The following ADGRA2 variants were observed in gnomAD, a reference collection of about 807,000 sequenced individuals.
The protein encoded by ADGRA2 is G-protein coupled receptor 124.
In ADGRA2, 61 loss-of-function variants were observed where a neutral mutation model predicts 98.7. The observed-to-expected ratio is 0.62, with a 90% CI of 0.50 to 0.76. The LOEUF is 0.76. Ranked by LOEUF, ADGRA2 falls within the 30% of genes least tolerant of loss-of-function variation. The pLI, the probability that ADGRA2 is intolerant of heterozygous loss-of-function variation, is 0.00. For missense variants in ADGRA2, 1,712 were observed against 1,860.0 expected (o/e 0.92, Z 1.46); for synonymous variants, 858 against 831.5 (o/e 1.03, Z -0.55).
At position 37,802,609 on chromosome 8, in the gene ADGRA2, A is replaced by T. The variant is rs1804541922; in HGVS notation, c.266+5075A>T. 6.6e-6 allele frequency among the ~76,000 whole-genome samples: 1 copy of T among 152,162 alleles called. No individual in the cohort carries two copies. ...GGGCTCCGGGACCTCGCCTGTTCAA[A>T]GGCAGGGGCCCAGCAGAAACCTCAG... On this transcript the variant is annotated intron_variant, in intron 1 of 18. Transcript: ENST00000412232. This position sits in a 1 kb window ranked among gnomAD's most constrained non-coding sequence, Gnocchi z 4.7.
At chr8:37,829,640 C>A in intron 5 of ADGRA2, 81 bp downstream of exon 5, 2 of 1,110,788 alleles carry the variant, frequency 1.8e-6, no homozygotes, top group South Asian at 1.2e-5. Flanking sequence ...ATCATGACCA[C>A]CAGGACTGGT....
At chr8:37,822,213 C>T (rs938713278) in intron 2 of ADGRA2, among the ~76,000 whole-genome samples, 4 of 152,140 alleles carry the variant, frequency 2.6e-5, no homozygotes, top group African/African-American at 9.7e-5. Context: ...TGTCCTGGCC[C>T]ACTTCTCAGC....
At position 37,841,025 on chromosome 8, in the gene ADGRA2, G is replaced by GCCCCCC; in HGVS notation, c.2748-56_2748-55insCCCCCC. 17 of 1,411,640 alleles carry GCCCCCC rather than the reference G, an allele frequency of 1.2e-5. No individual in the cohort carries two copies. Among genetic ancestry groups the GCCCCCC allele is most frequent in the Non-Finnish European group, 1.7e-5 (17 of 1,023,640 alleles). The allele number at this position is 1,411,640 out of a possible 1,614,324, so 87.4% of individuals were successfully genotyped here. ...ATATCCTGTCTCCCCAACCACCCCGGCCCCCAGCCCCACCCCAGCCATGCC... is the reference window on the plus strand; with the variant it reads ...ATATCCTGTCTCCCCAACCACCCCGGCCCCCCCCCCCAGCCCCACCCCAGCCATGCC... On this transcript the variant is annotated intron_variant, in intron 18 of 18. Transcript: ENST00000412232. This position sits in a 1 kb window ranked among gnomAD's most constrained non-coding sequence, Gnocchi z 5.0.
intron 15 of ADGRA2, 133 bp downstream of exon 15, chr8:37,839,216 G>T (rs1805716877): frequency 7.5e-7 from 1 of 1,332,136 alleles, no homozygotes; most frequent in African/African-American, 1.4e-5. Context: ...CTCCGAGGCA[G>T]GTGTAGGAAA....
intron 4 of ADGRA2, 62 bp downstream of exon 4, chr8:37,829,394 T>A: frequency 6.4e-7 from 1 of 1,550,978 alleles, no homozygotes; most frequent in East Asian, 2.2e-5. Flanking sequence ...GGAAGCAAAA[T>A]GTGGCCCCCA....
chr8:37,817,131 C>G (rs917395730), intron 2 of ADGRA2, among the ~76,000 whole-genome samples: 3 of 152,106 alleles, frequency 2.0e-5, no homozygotes, highest in Non-Finnish European at 4.4e-5. Context: ...CCCATTCCAC[C>G]GTGGAAGGGA....
chr8:37,804,191 C>T (rs1804595613), intron 1 of ADGRA2, among the ~76,000 whole-genome samples: 1 of 151,204 alleles, frequency 6.6e-6, no homozygotes, highest in Admixed American at 6.6e-5. Context: ...CCCCAGGGCT[C>T]CTGCCTCCCA....
intron 2 of ADGRA2, among the ~76,000 whole-genome samples, chr8:37,824,397 A>G (rs1173755013): frequency 6.6e-6 from 1 of 150,792 alleles, no homozygotes; most frequent in Non-Finnish European, 1.5e-5. Flanking sequence ...TGTATATTCT[A>G]GATAGACATC....
chr8:37,808,015 T>C (rs1307881487), intron 1 of ADGRA2, among the ~76,000 whole-genome samples: 2 of 152,144 alleles, frequency 1.3e-5, no homozygotes, highest in Non-Finnish European at 2.9e-5. Context: ...ACAGAGCCTC[T>C]CTGTAGACGC....
In ADGRA2 at chr8:37,840,126, C is replaced by T; in HGVS notation, c.2517C>T (p.Gly839=). 2.5e-6 allele frequency: 4 copies of T among 1,594,862 alleles called. No homozygotes were observed. In the South Asian group the frequency reaches 4.5e-5, roughly 18 times the overall value. Residue 839 remains glycine, a synonymous_variant, in exon 17 of 19, where the codon GGC becomes GGT. Transcript: ENST00000412232. ...TNYQMVCQAV[G]ITLHYSSLST... Reference sequence around the variant, plus strand: ...TCCGTGCCTTGACCCCGCAGGTGGGCATCACCCTGCACTACTCCTCCCTAT... The same window carrying T: ...TCCGTGCCTTGACCCCGCAGGTGGGTATCACCCTGCACTACTCCTCCCTAT...
intron 1 of ADGRA2, among the ~76,000 whole-genome samples, chr8:37,813,179 A>C (rs1410211423): frequency 6.6e-6 from 1 of 152,068 alleles, no homozygotes; most frequent in Non-Finnish European, 1.5e-5. Context: ...AGTGAGCTCT[A>C]ACTGTGCCAC....
chr8:37,812,936 G>A (rs111766411), intron 1 of ADGRA2, among the ~76,000 whole-genome samples: 3,650 of 152,030 alleles, frequency 0.024, 163 homozygotes, highest in African/African-American at 0.084. Context: ...TGATCTGCCC[G>A]TCCCAGCCTC....
At chr8:37,808,568 G>GTA in intron 1 of ADGRA2, among the ~76,000 whole-genome samples, 1 of 152,002 alleles carries the variant, frequency 6.6e-6, no homozygotes, top group South Asian at 2.1e-4. Flanking sequence ...CTGTGTGTGT[G>GTA]TGTGTGTGTG....
At chr8:37,819,818 G>C (rs779376686) in intron 2 of ADGRA2, among the ~76,000 whole-genome samples, 1 of 152,008 alleles carries the variant, frequency 6.6e-6, no homozygotes, top group Non-Finnish European at 1.5e-5. Flanking sequence ...TTACAGGTAC[G>C]TGCCACCACA....
intron 12 of ADGRA2, 31 bp downstream of exon 12, chr8:37,835,429 A>T (rs369102530): frequency 1.7e-4 from 265 of 1,578,218 alleles, no homozygotes; most frequent in Non-Finnish European, 2.2e-4. Flanking sequence ...AGGGGGTGGG[A>T]GAAGGGAGGC....
In ADGRA2 at chr8:37,802,329, ACCC is replaced by A. The variant is rs1804533004; in HGVS notation, c.266+4798_266+4800del. Among the ~76,000 whole-genome samples, 1 of 151,648 alleles carries A rather than the reference ACCC, an allele frequency of 6.6e-6. No homozygotes were observed. Among genetic ancestry groups the A allele is most frequent in the Non-Finnish European group, 1.5e-5 (1 of 67,908 alleles). The stretch of plus-strand genomic sequence containing the variant: ...GGGGCGGGCCCAGGCCGGCGCCTCC[ACCC>A]CCTTCTCTTCCACCAGCTTTCCCCC... On this transcript the variant is annotated intron_variant, in intron 1 of 18. Coordinates refer to ENST00000412232, the MANE Select transcript of ADGRA2 (RefSeq NM_032777.10). The surrounding 1 kb of genome is among the most constrained non-coding windows in gnomAD (Gnocchi z 4.7).
rs774529681 is a variant in ADGRA2 at position 37,840,006 on chromosome 8, TA to T, written c.2512-109del. 24 of 986,338 alleles carry T rather than the reference TA, an allele frequency of 2.4e-5. No homozygotes were observed. The East Asian group carries it at 5.0e-4, about 20-fold the overall frequency. The allele number at this position is 986,338 out of a possible 1,614,324, so 61.1% of individuals were successfully genotyped here. On this transcript the variant is annotated intron_variant, in intron 16 of 18. Transcript: ENST00000412232. ...TGTATGGGGAGTGGGCTGGGTAAAG[TA>T]AAAAAGCTGGGGGCCGGAGGCTGGA...
chr8:37,797,250 C>G lies in ADGRA2; in HGVS notation c.-19C>G. On this transcript the variant is annotated 5_prime_UTR_variant, in exon 1 of 19. Transcript: ENST00000412232. The surrounding 1 kb of genome is among the most constrained non-coding windows in gnomAD (Gnocchi z 5.3). ...CAGCCCGGCCCCAGCGCTGTGGGTC[C>G]CCGCGGGGCGATGGGTTGATGGGCG... The G allele has an allele frequency of 8.1e-7, 1 of 1,240,068 alleles. No individual in the cohort carries two copies. The highest frequency in any genetic ancestry group is 1.0e-6 in the Non-Finnish European group (1 of 994,386). 76.8% of individuals were successfully genotyped at this position (1,240,068 alleles called of 1,614,324 possible).
chr8:37,833,896 G>T, intron 10 of ADGRA2, 59 bp downstream of exon 10: 1 of 1,607,632 alleles, frequency 6.2e-7, no homozygotes. Flanking sequence ...ATTTGCTCAA[G>T]CCTCTCTCTC....
Sources: allele counts gnomAD v4.1 joint callset (sites outside exome capture counted in the v4.1 genomes callset), GRCh38; gene constraint gnomAD v4.1.1; non-coding constraint Gnocchi (gnomAD v3.1); transcripts MANE v1.5; gene names NCBI Gene and HGNC (gene_info 2026-07-23, HGNC 2026-07-21).